Variants in DOT1L observed in about 807,000 individuals in gnomAD.
DOT1L encodes histone-lysine N-methyltransferase, H3 lysine-79 specific.
DOT1L carries 33 observed loss-of-function variants against 153.3 expected under a neutral mutation model. The observed-to-expected ratio is 0.22, with a 90% CI of 0.16 to 0.29. DOT1L has a LOEUF of 0.29. Ranked by LOEUF, DOT1L falls within the 10% of genes least tolerant of loss-of-function variation. The probability of loss-of-function intolerance (pLI) is 1.00; values close to 1 mark genes in which losing one functional copy is unlikely to be tolerated. For missense variants in DOT1L, 1,847 were observed against 2,119.9 expected (o/e 0.87, Z 2.53); for synonymous variants, 1,135 against 965.1 (o/e 1.18, Z -3.26).
intron 3 of DOT1L, 28 bp downstream of exon 3, chr19:2,185,957 G>T (rs367722837): frequency 9.9e-6 from 16 of 1,608,298 alleles, no homozygotes; most frequent in South Asian, 4.4e-5. Flanking sequence ...CAGCCGCTCC[G>T]CTCCGAGGAC....
intron 4 of DOT1L, 36 bp downstream of exon 4, chr19:2,189,831 G>T (rs750461832): frequency 6.2e-7 from 1 of 1,608,980 alleles, no homozygotes; most frequent in Non-Finnish European, 8.5e-7. Context: ...GGGGTTAGTA[G>T]TGCCAGGCTC....
rs1845644672 is a variant in DOT1L at position 2,216,276 on chromosome 19, T to C, written c.1924-5T>C. ...GCGGGCCTGACACCATCTCTCCTCC[T>C]GCAGATCAGCATTGTGGAGCTAGAG... On this transcript the variant is annotated splice_region_variant and splice_polypyrimidine_tract_variant and intron_variant, in intron 19 of 27. Transcript: ENST00000398665. The C allele has an allele frequency of 6.4e-7, 1 of 1,561,716 alleles. No homozygotes were observed. Among genetic ancestry groups the C allele is most frequent in the South Asian group, 1.2e-5 (1 of 84,314 alleles).
chr19:2,213,275 C>T (rs548765056), intron 16 of DOT1L: 66 of 405,104 alleles, frequency 1.6e-4, no homozygotes, highest in Admixed American at 1.0e-3. Context: ...TGGCTGGGGG[C>T]GCTGCCCTGG....
At chr19:2,219,935 C>T (rs1317969587) in intron 22 of DOT1L, among the ~76,000 whole-genome samples, 173 bp from the exon 23 acceptor site, 1 of 152,198 alleles carries the variant, frequency 6.6e-6, no homozygotes, top group Non-Finnish European at 1.5e-5. Context: ...CTGCGCCACT[C>T]GCCTGGGGCC....
rs2022897135 is a variant in DOT1L, at chr19:2,193,777, T to C, written c.582T>C (p.Tyr194=). The C allele has an allele frequency of 6.2e-7, 1 of 1,613,832 alleles. No homozygotes were observed. Residue 194 remains tyrosine, a synonymous_variant, in exon 6 of 28, where the codon TAT becomes TAC. Transcript: ENST00000398665. The surrounding 1 kb of genome is among the most constrained non-coding windows in gnomAD (Gnocchi z 5.9). ...AGAAAGCAGACATCCCGGCCAAGTATGCGGAGGTGAGCGGATCTGAGGGCC... is the reference window on the plus strand; with the variant it reads ...AGAAAGCAGACATCCCGGCCAAGTACGCGGAGGTGAGCGGATCTGAGGGCC... ...GVEKADIPAK[Y]AETMDREFRK...
chr19:2,187,899 G>T (rs1412766231), intron 3 of DOT1L, among the ~76,000 whole-genome samples: 1 of 148,060 alleles, frequency 6.8e-6, no homozygotes, highest in Non-Finnish European at 1.5e-5. Context: ...TCCAGCCTGG[G>T]TGACAGAGCG....
intron 23 of DOT1L, 68 bp from the exon 24 acceptor site, chr19:2,221,908 G>C: frequency 6.9e-7 from 1 of 1,450,734 alleles, no homozygotes; most frequent in Non-Finnish European, 9.2e-7. Context: ...AGGGGGTGGT[G>C]CTCCCACAGC....
At position 2,231,072 on chromosome 19, in the gene DOT1L, G is replaced by A. The variant is rs1324069145; in HGVS notation, c.*1280G>A. The A allele has an allele frequency of 1.7e-5, 4 of 233,040 alleles. No homozygotes were observed. The highest frequency in any genetic ancestry group is 6.1e-5 in the East Asian group (1 of 16,456). 14.4% of individuals were successfully genotyped at this position (233,040 alleles called of 1,614,324 possible). A position where few individuals can be genotyped will look rare whatever the true frequency, so the allele number is the denominator to read the frequency against. On this transcript the variant is annotated 3_prime_UTR_variant, in exon 28 of 28. Transcript: ENST00000398665. ...GTGTGGAAGGAGAGGAGCTGAGGCC[G>A]GGGTGTAGCAGGCAGGCAGGGCCAC...
chr19:2,207,591 C>G lies in DOT1L; in HGVS notation c.874C>G (p.Arg292Gly). 6.2e-7 allele frequency: 1 copy of G among 1,611,056 alleles called. No homozygotes were observed. Among genetic ancestry groups the G allele is most frequent in the Non-Finnish European group, 8.5e-7 (1 of 1,179,514 alleles). The change falls in exon 11 of 28, where the codon CGC becomes GGC. Residue 292 changes from arginine to glycine, a missense_variant. Arg to Gly is a moderately radical substitution (Grantham distance 125). Coordinates refer to ENST00000398665, the MANE Select transcript of DOT1L (RefSeq NM_032482.3). The surrounding 1 kb of genome is among the most constrained non-coding windows in gnomAD (Gnocchi z 4.5). Reference protein sequence around the residue: ...RNLSDIGTIMRVVELSPLKGS... With the variant: ...RNLSDIGTIMGVVELSPLKGS... ...TCCTGCAGACATCGGCACCATCATG[C>G]GCGTGGTGGAGCTCTCGCCCCTGAA...
chr19:2,183,473 C>G (rs2022340062), intron 2 of DOT1L, among the ~76,000 whole-genome samples: 1 of 152,040 alleles, frequency 6.6e-6, no homozygotes, highest in Non-Finnish European at 1.5e-5. Context: ...TTGGGCTGTC[C>G]TAGGCTCTCC....
In DOT1L at chr19:2,222,141, T is replaced by C; in HGVS notation, c.2972T>C (p.Leu991Pro). 6.2e-6 allele frequency: 10 copies of C among 1,613,166 alleles called. No homozygotes were observed. The highest frequency in any genetic ancestry group is 8.5e-6 in the Non-Finnish European group (10 of 1,179,876). Reference protein sequence around the residue: ...RSSTPQHPLLLAQPRNSLPAS... With the variant: ...RSSTPQHPLLPAQPRNSLPAS... ...TCCACGCCACAGCACCCCCTGCTGC[T>C]GGCACAGCCCCGGAACTCGCTTCCT... Residue 991 changes from leucine (L) to proline (P), a missense_variant, in exon 24 of 28, where the codon CTG (leucine) becomes CCG (proline). Leu to Pro is a moderately conservative substitution (Grantham distance 98, BLOSUM62 -3). This residue lies in a region of DOT1L where 934 missense variants were observed against 825.3 expected (regional missense o/e 1.13). Coordinates refer to ENST00000398665, the MANE Select transcript of DOT1L (RefSeq NM_032482.3). This position sits in a 1 kb window ranked among gnomAD's most constrained non-coding sequence, Gnocchi z 6.5.
In DOT1L at chr19:2,210,434, G is replaced by T; in HGVS notation, c.1040G>T (p.Arg347Leu). The T allele has an allele frequency of 6.4e-7, 1 of 1,564,486 alleles. No homozygotes were observed. Among genetic ancestry groups the T allele is most frequent in the Non-Finnish European group, 8.6e-7 (1 of 1,158,546 alleles). ...GAGGCAGCCCGGCGCCGCCAGCAGC[G>T]CGAGAGCAAGAGCAACGCGGCCACG... ...EQEAARRRQQ[R>L]ESKSNAATPT... The change falls in exon 13 of 28, where the codon CGC (arginine) becomes CTC (leucine). Residue 347 changes from arginine (R) to leucine (L), a missense_variant. This residue lies in a region of DOT1L where 205 missense variants were observed against 203.1 expected (regional missense o/e 1.01). Transcript: ENST00000398665.
At position 2,189,716 on chromosome 19, in the gene DOT1L, C is replaced by A; in HGVS notation, c.201-16C>A. On this transcript the variant is annotated splice_polypyrimidine_tract_variant and intron_variant, in intron 3 of 27. Transcript: ENST00000398665. Reference sequence around the variant, plus strand: ...CTCCTGCCCGCATGACCAGGGCCTTCCCTTGCCTTTTTCAGCTTCGAGAGC... The same window carrying A: ...CTCCTGCCCGCATGACCAGGGCCTTACCTTGCCTTTTTCAGCTTCGAGAGC... The A allele has an allele frequency of 6.2e-7, 1 of 1,609,412 alleles. No individual in the cohort carries two copies. Among genetic ancestry groups the A allele is most frequent in the Admixed American group, 1.7e-5 (1 of 60,024 alleles).
At position 2,216,728 on chromosome 19, in the gene DOT1L, G is replaced by A. The variant is rs766193549; in HGVS notation, c.2371G>A (p.Val791Met). The A allele has an allele frequency of 5.0e-6, 8 of 1,597,394 alleles. No homozygotes were observed. The highest frequency in any genetic ancestry group is 5.1e-6 in the Non-Finnish European group (6 of 1,176,870). The change falls in exon 20 of 28, where the codon GTG (valine) becomes ATG (methionine). Residue 791 changes from valine (V) to methionine (M), a missense_variant. By Grantham distance (21) the Val-to-Met change is conservative. This residue lies in a region of DOT1L where 281 missense variants were observed against 263.6 expected (regional missense o/e 1.07). Coordinates refer to ENST00000398665, the MANE Select transcript of DOT1L (RefSeq NM_032482.3). ...LRRHLSQDHT[V>M]PGRPAASELH... ...GCGGCACCTGAGCCAGGACCACACGGTGCCCGGCAGGCCGGCTGCCAGTGA... is the reference window on the plus strand; with the variant it reads ...GCGGCACCTGAGCCAGGACCACACGATGCCCGGCAGGCCGGCTGCCAGTGA...
Position 2,226,252 on chromosome 19 carries a change from C to T in DOT1L, c.3731C>T (p.Thr1244Ile). ...GTCAATAGCAGCAAGTGGAAGTCCA[C>T]CTTCTCGCCCATCTCCGACATCGGC... ...EPVNSSKWKS[T>I]FSPISDIGLA... Residue 1244 changes from threonine to isoleucine, a missense_variant, in exon 27 of 28, where the codon ACC becomes ATC. Thr to Ile is a moderately conservative substitution (Grantham distance 89). This residue lies in a region of DOT1L where 934 missense variants were observed against 825.3 expected (regional missense o/e 1.13). Transcript: ENST00000398665. 2.5e-6 allele frequency: 4 copies of T among 1,577,156 alleles called. No homozygotes were observed. Among genetic ancestry groups the T allele is most frequent in the Non-Finnish European group, 3.4e-6 (4 of 1,160,208 alleles).
At chr19:2,175,290 G>A (rs1189547298) in intron 1 of DOT1L, among the ~76,000 whole-genome samples, 1 of 152,016 alleles carries the variant, frequency 6.6e-6, no homozygotes, top group Non-Finnish European at 1.5e-5. Context: ...CGTGAGCCAT[G>A]GCGCCTGGCC....
chr19:2,219,884 A>G (rs2024046153), intron 22 of DOT1L, among the ~76,000 whole-genome samples: 1 of 152,128 alleles, frequency 6.6e-6, no homozygotes, highest in African/African-American at 2.4e-5. Flanking sequence ...TCCCTGCCTC[A>G]GGCCCGCTGC....
Position 2,229,888 on chromosome 19 carries a change from G to C in DOT1L, c.*96G>C. ...GCCGGCCTGCCGGGCTCCCACCCCT[G>C]GACGGCAGAGGCAAGGACGGACGGG... On this transcript the variant is annotated 3_prime_UTR_variant, in exon 28 of 28. Coordinates refer to ENST00000398665, the MANE Select transcript of DOT1L (RefSeq NM_032482.3). 2.5e-6 allele frequency: 4 copies of C among 1,607,246 alleles called. No homozygotes were observed. Among genetic ancestry groups the C allele is most frequent in the East Asian group, 2.2e-5 (1 of 44,850 alleles).
At position 2,226,825 on chromosome 19, in the gene DOT1L, C is replaced by G; in HGVS notation, c.4304C>G (p.Pro1435Arg). ...TTCATCTCTGCGGCGGCCGTGCCTC[C>G]CGGAAGCCTCCTCAGCGGCCCCGGC... ...NLFISAAAVP[P>R]GSLLSGPGLA... Residue 1435 changes from proline to arginine, a missense_variant, in exon 27 of 28, where the codon CCC becomes CGC. Transcript: ENST00000398665. 1.3e-6 allele frequency: 2 copies of G among 1,581,520 alleles called. No homozygotes were observed. The highest frequency in any genetic ancestry group is 8.5e-7 in the Non-Finnish European group (1 of 1,171,650).
Sources: gnomAD v4.1 joint callset for allele counts (sites outside exome capture counted in the v4.1 genomes callset) on GRCh38, gnomAD v4.1.1 for gene constraint, gnomAD v4.1.1 regional missense constraint, Gnocchi (gnomAD v3.1) non-coding constraint, MANE v1.5 for transcripts, NCBI Gene and HGNC (gene_info 2026-07-23, HGNC 2026-07-21) for gene names.